ZAN: variants seen among roughly 807,000 people sequenced by gnomAD.
The protein encoded by ZAN is zonadhesin.
A neutral mutation model predicts 286.2 loss-of-function variants in ZAN; 260 were observed. That is an observed-to-expected ratio of 0.91 (90% confidence interval 0.82 to 1.01). The LOEUF is 1.01. ZAN is among the 50% of genes least tolerant of loss of function. The pLI is 0.00. For missense variants in ZAN, 3,410 were observed against 3,639.2 expected (o/e 0.94, Z 1.62); for synonymous variants, 1,368 against 1,417.5 (o/e 0.97, Z 0.79).
intron 7 of ZAN, among the ~76,000 whole-genome samples, chr7:100,744,389 A>AG (rs763368942): frequency 1.3e-5 from 2 of 148,642 alleles, no homozygotes; most frequent in Non-Finnish European, 3.0e-5. Flanking sequence ...ACCAGAGGTC[A>AG]GGAGTCCGAG....
intron 46 of ZAN, 46 bp downstream of exon 46, chr7:100,797,511 C>T (rs1812440960): frequency 6.2e-7 from 1 of 1,613,668 alleles, no homozygotes; most frequent in Non-Finnish European, 8.5e-7. Context: ...GGTGTGCAAA[C>T]CGGGAAGCGG....
chr7:100,750,869 C>G lies in ZAN; in HGVS notation c.1494C>G (p.Val498=). Residue 498 remains valine, a synonymous_variant, in exon 12 of 48, where the codon GTC becomes GTG. Transcript: ENST00000613979. ...RPYWQNTSVT[V]PSGHQQPMQL... ...ACTGGCAGAACACCTCCGTCACCGT[C>G]CCCTCAGGACACCAACAGCCCATGC... 6.4e-7 allele frequency: 1 copy of G among 1,561,268 alleles called. No homozygotes were observed. The highest frequency in any genetic ancestry group is 8.7e-7 in the Non-Finnish European group (1 of 1,151,276).
rs1807374138 is a variant in ZAN at position 100,737,201 on chromosome 7, T to C, written c.526-61T>C. The C allele has an allele frequency of 6.4e-6, 9 of 1,411,446 alleles. 1 individual carries two copies. Among genetic ancestry groups the C allele is most frequent in the Non-Finnish European group, 8.7e-6 (9 of 1,033,006 alleles). The allele number at this position is 1,411,446 out of a possible 1,614,324, so 87.4% of individuals were successfully genotyped here. A position where few individuals can be genotyped will look rare whatever the true frequency, so the allele number is the denominator to read the frequency against. On this transcript the variant is annotated intron_variant, in intron 5 of 47. Transcript: ENST00000613979. ...AGCCATCTGAATTCAGGAAGAAAAC[T>C]AGGAGCCAGGAGGCCTGGCTGAGGG...
chr7:100,746,805 G>C (rs80134072), intron 8 of ZAN, 103 bp downstream of exon 8: 3 of 1,358,240 alleles, frequency 2.2e-6, no homozygotes, highest in African/African-American at 1.5e-5. Flanking sequence ...AGGGAGGTCT[G>C]GAATATGTGC....
rs1808598141 is a variant in ZAN at position 100,750,726 on chromosome 7, G to C, written c.1351G>C (p.Glu451Gln). 1.2e-6 allele frequency: 2 copies of C among 1,612,942 alleles called. No homozygotes were observed. The highest frequency in any genetic ancestry group is 3.3e-5 in the Admixed American group (2 of 59,794). Residue 451 changes from glutamate to glutamine, a missense_variant, in exon 12 of 48, where the codon GAG becomes CAG. Glu to Gln is a conservative substitution (Grantham distance 29). This residue lies in a region of ZAN where 872 missense variants were observed against 938.9 expected (regional missense o/e 0.93). Transcript: ENST00000613979. ...CTGCGCCCCAGGTGACATCTGCGTGGAGTTCGCATACCACATGTATGGCCT... is the reference window on the plus strand; with the variant it reads ...CTGCGCCCCAGGTGACATCTGCGTGCAGTTCGCATACCACATGTATGGCCT... ...PFCAPGDICVEFAYHMYGLGE... is the reference protein window; with the variant it reads ...PFCAPGDICVQFAYHMYGLGE...
intron 17 of ZAN, 92 bp downstream of exon 17, chr7:100,758,742 G>A: frequency 1.3e-6 from 2 of 1,508,260 alleles, no homozygotes; most frequent in South Asian, 1.2e-5. Flanking sequence ...GAAGGGGCAG[G>A]GCACAGATGG....
At position 100,771,836 on chromosome 7, in the gene ZAN, TC is replaced by T. The variant is rs764731040; in HGVS notation, c.5249-6del. On this transcript the variant is annotated splice_polypyrimidine_tract_variant and splice_region_variant and intron_variant, in intron 28 of 47. Coordinates refer to ENST00000613979, the MANE Select transcript of ZAN (RefSeq NM_003386.3). ...CCCCTGGCTCATCTGCCTTCTCTCT[TC>T]CTGCAGGACCCTTCTCTCAATGTCA... The T allele has an allele frequency of 5.6e-6, 9 of 1,604,014 alleles. No homozygotes were observed. In the South Asian group the frequency reaches 7.7e-5, roughly 14 times the overall value.
intron 12 of ZAN, 31 bp downstream of exon 12, chr7:100,750,927 G>C: frequency 6.6e-7 from 1 of 1,521,842 alleles, no homozygotes; most frequent in East Asian, 2.3e-5. Flanking sequence ...TCCTGTCTGT[G>C]TGAGGTGAGA....
chr7:100,797,589 G>A lies in ZAN; in HGVS notation c.8379G>A (p.Gln2793=), dbSNP rs1427457157. 3.1e-6 allele frequency: 5 copies of A among 1,613,824 alleles called. No homozygotes were observed. Among genetic ancestry groups the A allele is most frequent in the Non-Finnish European group, 4.2e-6 (5 of 1,179,876 alleles). ...YRTRRKREKT[Q]EGDRLARLVD... ...CCATGCCTTCTAGAGAGAAAACGCA[G>A]GAGGGAGACAGACTGGCCAGGCTGG... is the stretch of plus-strand genomic sequence containing the variant. The change falls in exon 47 of 48, where the codon CAG becomes CAA. Residue 2793 remains glutamine (Q), a synonymous_variant. Transcript: ENST00000613979.
In ZAN at chr7:100,758,583, C is replaced by T. The variant is rs555638766; in HGVS notation, c.3504C>T (p.Asp1168=). The T allele has an allele frequency of 1.6e-5, 25 of 1,566,900 alleles. No homozygotes were observed. The highest frequency in any genetic ancestry group is 8.1e-5 in the African/African-American group (6 of 73,812). ...GAGACCCTCATTATGTCACCTTTGA[C>T]GGGAGGCACTTTGGCTTCATGGGCA... ...VYGDPHYVTF[D]GRHFGFMGKC... is the part of the protein sequence containing the mutation. Residue 1168 remains aspartate, a synonymous_variant, in exon 17 of 48, where the codon GAC becomes GAT. Transcript: ENST00000613979.
intron 19 of ZAN, among the ~76,000 whole-genome samples, chr7:100,761,409 GC>G (rs1269684489): frequency 6.6e-6 from 1 of 151,996 alleles, no homozygotes; most frequent in Non-Finnish European, 1.5e-5. Context: ...GGAGGCCGAA[GC>G]AAGAGGATCA....
intron 35 of ZAN, among the ~76,000 whole-genome samples, chr7:100,783,763 A>ATGT (rs1473458490): frequency 1.3e-4 from 1 of 7,482 alleles, no homozygotes; most frequent in Non-Finnish European, 2.3e-4. Flanking sequence ...AAAAAAAAAA[A>ATGT]ATATATATAT....
chr7:100,764,343 A>G (rs2116009650), intron 22 of ZAN, 147 bp downstream of exon 22: 1 of 1,010,288 alleles, frequency 9.9e-7, no homozygotes, highest in South Asian at 2.1e-5. Flanking sequence ...AAACATACCA[A>G]AATTAGCCAG....
intron 6 of ZAN, among the ~76,000 whole-genome samples, chr7:100,737,784 T>G (rs868223520): frequency 1.5e-5 from 2 of 137,704 alleles, no homozygotes; most frequent in Non-Finnish European, 1.6e-5. Context: ...ATTAGGGCTT[T>G]GACTCTGGAA....
chr7:100,794,276 C>T lies in ZAN; in HGVS notation c.8125+18C>T, dbSNP rs1264763262. 2.5e-6 allele frequency: 4 copies of T among 1,580,588 alleles called. No homozygotes were observed. The highest frequency in any genetic ancestry group is 3.4e-6 in the Non-Finnish European group (4 of 1,162,860). Reference sequence around the variant, plus strand: ...CTTTCCAGGTGAACCTGCACTCCTGCCCGGTTCCAAGCTGCCCCATGCCCT... The same window carrying T: ...CTTTCCAGGTGAACCTGCACTCCTGTCCGGTTCCAAGCTGCCCCATGCCCT... On this transcript the variant is annotated intron_variant, in intron 44 of 47. Transcript: ENST00000613979.
At chr7:100,788,284 T>G (rs915613637) in intron 38 of ZAN, 148 bp downstream of exon 38, 71 of 1,180,210 alleles carry the variant, frequency 6.0e-5, no homozygotes, top group Non-Finnish European at 7.5e-5. Context: ...GACGCAGTGG[T>G]TCACGCCTGT....
Position 100,734,917 on chromosome 7 carries a change from G to A in ZAN, c.53+696G>A, listed in dbSNP as rs186856462. 9.2e-5 allele frequency among the ~76,000 whole-genome samples: 13 copies of A among 140,906 alleles called. 3 individuals are homozygous for A. The highest frequency in any genetic ancestry group is 1.9e-4 in the Non-Finnish European group (12 of 62,928). The allele number at this position is 140,906 out of a possible 152,430, so 92.4% of individuals were successfully genotyped here. ...TGACGGATGACAGGCCAAGCGCGGCGGCTCACCCCTGTAATCCCAGCACTT... is the reference window on the plus strand; with the variant it reads ...TGACGGATGACAGGCCAAGCGCGGCAGCTCACCCCTGTAATCCCAGCACTT... On this transcript the variant is annotated intron_variant, in intron 2 of 47. Coordinates refer to ENST00000613979, the MANE Select transcript of ZAN (RefSeq NM_003386.3).
rs1229979651 is a variant in ZAN at position 100,769,978 on chromosome 7, A to G, written c.5248+4A>G. The G allele has an allele frequency of 6.4e-7, 1 of 1,559,618 alleles. No homozygotes were observed. Among genetic ancestry groups the G allele is most frequent in the South Asian group, 1.2e-5 (1 of 84,466 alleles). On this transcript the variant is annotated splice_donor_region_variant and intron_variant, in intron 28 of 47. Transcript: ENST00000613979. The stretch of plus-strand genomic sequence containing the variant: ...GCGATCTTAATAAACCCTCAGGGTA[A>G]GACATGTCCCTGCTGGCCCTTTTTC...
chr7:100,734,133 TC>T lies in ZAN; in HGVS notation c.-32del. On this transcript the variant is annotated 5_prime_UTR_variant, in exon 2 of 48. Transcript: ENST00000613979. ...GAGTCCAGGCTCCCAACTGTGCCCT[TC>T]CCCTCTCCCCTGGGAGCAACCACTT... 7.3e-7 allele frequency: 1 copy of T among 1,370,002 alleles called. No homozygotes were observed. Among genetic ancestry groups the T allele is most frequent in the African/African-American group, 1.5e-5 (1 of 67,326 alleles). The allele number at this position is 1,370,002 out of a possible 1,614,324, so 84.9% of individuals were successfully genotyped here.
Sources: gnomAD v4.1 joint callset for allele counts (sites outside exome capture counted in the v4.1 genomes callset) on GRCh38, gnomAD v4.1.1 for gene constraint, gnomAD v4.1.1 regional missense constraint, MANE v1.5 for transcripts, NCBI Gene and HGNC (gene_info 2026-07-23, HGNC 2026-07-21) for gene names.